KCNC2: variants seen among roughly 807,000 people sequenced by gnomAD.
KCNC2 encodes voltage-gated potassium channel KCNC2.
A neutral mutation model predicts 44.5 loss-of-function variants in KCNC2; 21 were observed. That is an observed-to-expected ratio of 0.47 (90% confidence interval 0.33 to 0.68). The LOEUF (loss-of-function observed/expected upper bound fraction) is 0.68. KCNC2 is among the 30% of genes least tolerant of loss of function. The pLI is 0.01. For synonymous variants in KCNC2, 391 were observed against 339.1 expected, an observed-to-expected ratio of 1.15 and a Z score of -1.68; for missense variants, 589 against 826.2, an observed-to-expected ratio of 0.71 and a Z score of 3.52.
At chr12:75,118,976 C>T (rs1026491923) in intron 2 of KCNC2, among the ~76,000 whole-genome samples, 1 of 152,154 alleles carries the variant, frequency 6.6e-6, no homozygotes, top group African/African-American at 2.4e-5. Context: ...AGTATGATGC[C>T]TACACCTTAC....
chr12:75,153,468 G>C (rs566024094), intron 2 of KCNC2, among the ~76,000 whole-genome samples: 2 of 151,792 alleles, frequency 1.3e-5, no homozygotes, highest in African/African-American at 4.8e-5. Context: ...AACTTGGAAG[G>C]GTGGGAGGGT....
chr12:75,157,715 A>G (rs1291316675), intron 2 of KCNC2, among the ~76,000 whole-genome samples: 1 of 151,886 alleles, frequency 6.6e-6, no homozygotes, highest in African/African-American at 2.4e-5. Flanking sequence ...TCCTTAGAGA[A>G]AAGGAATTTA....
intron 2 of KCNC2, among the ~76,000 whole-genome samples, chr12:75,169,710 T>G (rs561067374): frequency 6.6e-6 from 1 of 151,750 alleles, no homozygotes; most frequent in African/African-American, 2.4e-5. Flanking sequence ...CTCTTTTTTC[T>G]TAGAGAAATT....
chr12:75,077,008 A>G (rs888490705), intron 2 of KCNC2, among the ~76,000 whole-genome samples: 17 of 152,190 alleles, frequency 1.1e-4, no homozygotes, highest in African/African-American at 4.1e-4. Context: ...TATTGTGTGT[A>G]TTTCCAGTTT....
Position 75,040,926 on chromosome 12 carries a change from G to C in KCNC2, c.*2179C>G, listed in dbSNP as rs1358939807. ...CTTTTGATGAGAAATGGCCAAGACT[G>C]TTGACCCATGCACACATGTTGGTAT... is the stretch of plus-strand genomic sequence containing the variant. On this transcript the variant is annotated 3_prime_UTR_variant, in exon 5 of 5. Coordinates refer to ENST00000549446, the MANE Select transcript of KCNC2 (RefSeq NM_139137.4). 2 of 582,480 alleles carry C rather than the reference G, an allele frequency of 3.4e-6. No homozygotes were observed. The highest frequency in any genetic ancestry group is 6.1e-6 in the Non-Finnish European group (2 of 326,274). 36.1% of individuals were successfully genotyped at this position (582,480 alleles called of 1,614,324 possible).
At chr12:75,197,469 C>G (rs2030871982) in intron 2 of KCNC2, among the ~76,000 whole-genome samples, 2 of 152,002 alleles carry the variant, frequency 1.3e-5, no homozygotes, top group Non-Finnish European at 2.9e-5. Flanking sequence ...TTGTTTCCTC[C>G]TTAACCTGTG....
chr12:75,135,949 G>A (rs1232786683), intron 2 of KCNC2, among the ~76,000 whole-genome samples: 1 of 151,922 alleles, frequency 6.6e-6, no homozygotes, highest in African/African-American at 2.4e-5. Context: ...ATAATTCTGT[G>A]TTATGCACAC....
rs569082225 is a variant in KCNC2 at position 75,158,157 on chromosome 12, A to G, written c.687+49140T>C. On this transcript the variant is annotated intron_variant, in intron 2 of 4. Coordinates refer to ENST00000549446, the MANE Select transcript of KCNC2 (RefSeq NM_139137.4). The stretch of plus-strand genomic sequence containing the variant: ...ATAAATTCTATCACTCTTTTAGTTT[A>G]TTAATTTGTTTTCTGAATAAGGCTT... 2.6e-5 allele frequency among the ~76,000 whole-genome samples: 4 copies of G among 151,994 alleles called. No individual in the cohort carries two copies. The South Asian group carries it at 8.3e-4, about 32-fold the overall frequency.
chr12:75,162,394 G>A (rs1459595837), intron 2 of KCNC2, among the ~76,000 whole-genome samples: 3 of 151,674 alleles, frequency 2.0e-5, no homozygotes, highest in Non-Finnish European at 4.4e-5. Context: ...TTCATTCTAT[G>A]ACATACTGAG....
chr12:75,042,226 C>G lies in KCNC2; in HGVS notation c.*879G>C. On this transcript the variant is annotated 3_prime_UTR_variant, in exon 5 of 5. Transcript: ENST00000549446. ...TGGGTATTTTTTTTTTTTAAAGAGT[C>G]TAGAACCAAGCAGCAATTTCTGGCT... 1 of 1,557,202 alleles carries G rather than the reference C, an allele frequency of 6.4e-7. No homozygotes were observed. Among genetic ancestry groups the G allele is most frequent in the East Asian group, 2.3e-5 (1 of 43,394 alleles).
chr12:75,200,768 A>G (rs1476217363), intron 2 of KCNC2, among the ~76,000 whole-genome samples: 1 of 151,806 alleles, frequency 6.6e-6, no homozygotes, highest in Non-Finnish European at 1.5e-5. Flanking sequence ...TATAATTTTA[A>G]CTTATGAAGT....
chr12:75,169,138 T>C lies in KCNC2; in HGVS notation c.687+38159A>G, dbSNP rs550815697. ...CCCAGAAACTAATACAAACATTAGA[T>C]CATAGTAATTAAATAATCACTTTCA... On this transcript the variant is annotated intron_variant, in intron 2 of 4. Transcript: ENST00000549446. Among the ~76,000 whole-genome samples, 43 of 151,626 alleles carry C rather than the reference T, an allele frequency of 2.8e-4. No individual in the cohort carries two copies. The Middle Eastern group carries it at 0.01, about 36-fold the overall frequency.
intron 2 of KCNC2, among the ~76,000 whole-genome samples, chr12:75,148,387 G>A (rs371228767): frequency 6.6e-6 from 1 of 151,956 alleles, no homozygotes; most frequent in East Asian, 1.9e-4. Context: ...AATATTTTCC[G>A]CCTTGATTTT....
intron 2 of KCNC2, among the ~76,000 whole-genome samples, chr12:75,123,144 A>G (rs1309847001): frequency 1.3e-5 from 2 of 152,180 alleles, no homozygotes; most frequent in Admixed American, 6.5e-5. Context: ...ATTTCATTAC[A>G]TAAATTTAAG....
chr12:75,190,687 T>C (rs2030120889), intron 2 of KCNC2, among the ~76,000 whole-genome samples: 1 of 152,186 alleles, frequency 6.6e-6, no homozygotes, highest in Non-Finnish European at 1.5e-5. Flanking sequence ...ATATTCAAGC[T>C]ATTTCTTAGT....
At position 75,099,476 on chromosome 12, in the gene KCNC2, A is replaced by G. The variant is rs574939065; in HGVS notation, c.688-48159T>C. Among the ~76,000 whole-genome samples the G allele has an allele frequency of 9.9e-5, 15 of 152,274 alleles. No individual in the cohort carries two copies. In the South Asian group the frequency reaches 3.1e-3, roughly 32 times the overall value. ...TACTTTTGCTATTTCCTTTGGTGCT[A>G]AAAATGGTAGACATGTCTTTGCTTG... On this transcript the variant is annotated intron_variant, in intron 2 of 4. Transcript: ENST00000549446.
chr12:75,183,978 C>A (rs954215660), intron 2 of KCNC2, among the ~76,000 whole-genome samples: 1 of 152,114 alleles, frequency 6.6e-6, no homozygotes, highest in Non-Finnish European at 1.5e-5. Context: ...CACTGGCCCA[C>A]TTGATGCCCT....
Position 75,207,818 on chromosome 12 carries a change from G to C in KCNC2, c.166C>G (p.Pro56Ala). Residue 56 changes from proline to alanine, a missense_variant, in exon 2 of 5, where the codon CCG (proline) becomes GCG (alanine). Coordinates refer to ENST00000549446, the MANE Select transcript of KCNC2 (RefSeq NM_139137.4). This position sits in a 1 kb window ranked among gnomAD's most constrained non-coding sequence, Gnocchi z 4.1. The stretch of plus-strand genomic sequence containing the variant: ...GGCGGCGACAGTGGAGGCGGCGACG[G>C]CTGCAGCTTGTCGCCCGCCGTGGTC... ...CLTTAGDKLQ[P>A]SPPPLSPPPR... The C allele has an allele frequency of 6.2e-7, 1 of 1,606,478 alleles. No individual in the cohort carries two copies. Among genetic ancestry groups the C allele is most frequent in the Non-Finnish European group, 8.5e-7 (1 of 1,178,068 alleles).
At chr12:75,057,329 G>T (rs1881857176) in intron 2 of KCNC2, among the ~76,000 whole-genome samples, 1 of 151,870 alleles carries the variant, frequency 6.6e-6, no homozygotes, top group South Asian at 2.1e-4. Context: ...TCTATAGAGA[G>T]AAAAAAATCT....
Sources: allele counts gnomAD v4.1 joint callset (sites outside exome capture counted in the v4.1 genomes callset), GRCh38; gene constraint gnomAD v4.1.1; non-coding constraint Gnocchi (gnomAD v3.1); transcripts MANE v1.5; gene names NCBI Gene and HGNC (gene_info 2026-07-23, HGNC 2026-07-21).